EPS8: variants seen among roughly 807,000 people sequenced by gnomAD.
EPS8 encodes EGFR pathway substrate 8, signaling adaptor.
EPS8 carries 42 observed loss-of-function variants against 103.8 expected under a neutral mutation model. The ratio of observed to expected loss-of-function variants is 0.40; its 90% CI spans 0.32 to 0.52. The LOEUF is 0.52. EPS8 is among the 20% of genes least tolerant of loss of function. EPS8 has a pLI of 0.40. For synonymous variants in EPS8, 344 were observed against 344.6 expected, an observed-to-expected ratio of 1.00 and a Z score of 0.02; for missense variants, 969 against 1,005.1, an observed-to-expected ratio of 0.96 and a Z score of 0.49.
At chr12:15,666,740 T>TTA (rs1320268414) in intron 6 of EPS8, among the ~76,000 whole-genome samples, 1 of 152,150 alleles carries the variant, frequency 6.6e-6, no homozygotes, top group Non-Finnish European at 1.5e-5. Flanking sequence ...TTTTTAATGA[T>TTA]TATCTTAAAG....
At chr12:15,637,749 T>C (rs941673914) in intron 17 of EPS8, among the ~76,000 whole-genome samples, 1 of 152,138 alleles carries the variant, frequency 6.6e-6, no homozygotes, top group Admixed American at 6.5e-5. Flanking sequence ...AAGAGACAGA[T>C]GGAAGAGAAA....
chr12:15,663,920 CAAAAAAAAA>C (rs10590703), intron 8 of EPS8, among the ~76,000 whole-genome samples: 2 of 9,038 alleles, frequency 2.2e-4, no homozygotes, highest in African/African-American at 3.6e-4. Context: ...CACTCCATCT[CAAAAAAAAA>C]AAAAAAAAAA....
In EPS8 at chr12:15,731,888, G is replaced by T. The variant is rs368022333; in HGVS notation, c.-21-48916C>A. On this transcript the variant is annotated intron_variant, in intron 1 of 20. Transcript: ENST00000281172. This position sits in a 1 kb window ranked among gnomAD's most constrained non-coding sequence, Gnocchi z 5.1. ...GTGTGTGTAGGCAAAAGGAAGCTGG[G>T]TGGTTAATCACTATATATATCTGTT... Among the ~76,000 whole-genome samples the T allele has an allele frequency of 6.6e-6, 1 of 152,050 alleles. No individual in the cohort carries two copies. The highest frequency in any genetic ancestry group is 6.5e-5 in the Admixed American group (1 of 15,268).
chr12:15,711,867 G>A (rs1436162648), intron 1 of EPS8, among the ~76,000 whole-genome samples: 2 of 152,098 alleles, frequency 1.3e-5, no homozygotes, highest in African/African-American at 4.8e-5. Context: ...CATAACCATG[G>A]CACCTAAACT....
In EPS8 at chr12:15,731,173, T is replaced by C. The variant is rs1946711953; in HGVS notation, c.-21-48201A>G. Among the ~76,000 whole-genome samples, 1 of 152,246 alleles carries C rather than the reference T, an allele frequency of 6.6e-6. No homozygotes were observed. The highest frequency in any genetic ancestry group is 1.5e-5 in the Non-Finnish European group (1 of 68,032). ...GGCAACTGCTATCCAGGTTTTTAGC[T>C]AGCTTAACCAAATCCTCTAAACAGA... On this transcript the variant is annotated intron_variant, in intron 1 of 20. Coordinates refer to ENST00000281172, the MANE Select transcript of EPS8 (RefSeq NM_004447.6). This position sits in a 1 kb window ranked among gnomAD's most constrained non-coding sequence, Gnocchi z 5.1.
chr12:15,686,819 A>T (rs926708050), intron 1 of EPS8, among the ~76,000 whole-genome samples: 1 of 152,130 alleles, frequency 6.6e-6, no homozygotes, highest in African/African-American at 2.4e-5. Context: ...CTACTTACCC[A>T]ATCTTGCTGC....
chr12:15,750,935 C>T (rs974280776), intron 1 of EPS8, among the ~76,000 whole-genome samples: 3 of 152,086 alleles, frequency 2.0e-5, no homozygotes, highest in African/African-American at 7.2e-5. Context: ...CCCTTCGGCT[C>T]AAATTACAGT....
intron 1 of EPS8, among the ~76,000 whole-genome samples, chr12:15,694,270 G>A (rs1263312617): frequency 6.6e-6 from 1 of 151,836 alleles, no homozygotes; most frequent in African/African-American, 2.4e-5. Flanking sequence ...CAACCAGAGT[G>A]AAAGTAACAC....
At position 15,714,098 on chromosome 12, in the gene EPS8, A is replaced by C. The variant is rs1337113933; in HGVS notation, c.-21-31126T>G. Among the ~76,000 whole-genome samples the C allele has an allele frequency of 6.6e-6, 1 of 152,148 alleles. No homozygotes were observed. Among genetic ancestry groups the C allele is most frequent in the Non-Finnish European group, 1.5e-5 (1 of 68,028 alleles). On this transcript the variant is annotated intron_variant, in intron 1 of 20. Coordinates refer to ENST00000281172, the MANE Select transcript of EPS8 (RefSeq NM_004447.6). This position sits in a 1 kb window ranked among gnomAD's most constrained non-coding sequence, Gnocchi z 4.1. ...GAAAAACCAAACCAAAACAAAACAA[A>C]ACAAAAAACAATCCCCAATGAAGAT...
chr12:15,676,253 C>T lies in EPS8; in HGVS notation c.136+4973G>A, dbSNP rs1177979781. On this transcript the variant is annotated intron_variant, in intron 3 of 20. Coordinates refer to ENST00000281172, the MANE Select transcript of EPS8 (RefSeq NM_004447.6). ...CCAGCCTGGGCGACAGGGCAAGACT[C>T]CATCTCAAAAAAAAAAAAAAAAAAA... Among the ~76,000 whole-genome samples, 3 of 134,748 alleles carry T rather than the reference C, an allele frequency of 2.2e-5. No individual in the cohort carries two copies. In the East Asian group the frequency reaches 6.9e-4, roughly 31 times the overall value. 88.4% of individuals were successfully genotyped at this position (134,748 alleles called of 152,430 possible). A position where few individuals can be genotyped will look rare whatever the true frequency, so the allele number is the denominator to read the frequency against.
In EPS8 at chr12:15,776,449, T is replaced by C. The variant is rs886856912; in HGVS notation, c.-22+12712A>G. ...CTTCCCCTCAAGTTCACATGCACAC[T>C]CTCAGGAACTAACACAGACCTAGAT... On this transcript the variant is annotated intron_variant, in intron 1 of 20. Transcript: ENST00000281172. The surrounding 1 kb of genome is among the most constrained non-coding windows in gnomAD (Gnocchi z 4.2). Among the ~76,000 whole-genome samples the C allele has an allele frequency of 2.0e-5, 3 of 152,044 alleles. No homozygotes were observed. The highest frequency in any genetic ancestry group is 2.9e-5 in the Non-Finnish European group (2 of 67,988).
At chr12:15,624,466 C>T in intron 18 of EPS8, 59 bp from the exon 19 acceptor site, 2 of 1,302,748 alleles carry the variant, frequency 1.5e-6, no homozygotes, top group Non-Finnish European at 2.1e-6. Flanking sequence ...ATCACCCTCT[C>T]TAGAACCCCA....
intron 18 of EPS8, among the ~76,000 whole-genome samples, chr12:15,626,074 A>C (rs1197972568): frequency 4.6e-5 from 7 of 152,086 alleles, no homozygotes; most frequent in Non-Finnish European, 1.0e-4. Context: ...TTCTCAACTC[A>C]CTTAATGACA....
chr12:15,634,353 A>C (rs758856827), intron 17 of EPS8, among the ~76,000 whole-genome samples: 26 of 152,366 alleles, frequency 1.7e-4, no homozygotes, highest in Admixed American at 8.5e-4. Flanking sequence ...TTTCTCTGAA[A>C]GAAGGCAGAA....
At chr12:15,783,571 C>G (rs1337218457) in intron 1 of EPS8, among the ~76,000 whole-genome samples, 1 of 152,148 alleles carries the variant, frequency 6.6e-6, no homozygotes, top group Non-Finnish European at 1.5e-5. Context: ...TGCCTCTTCT[C>G]AACATACACC....
intron 1 of EPS8, among the ~76,000 whole-genome samples, chr12:15,723,072 C>T (rs984774689): frequency 2.6e-5 from 4 of 151,336 alleles, no homozygotes; most frequent in Non-Finnish European, 5.9e-5. Flanking sequence ...GTCTATAATC[C>T]CAGAACTGTG....
At chr12:15,666,872 A>T (rs750804212) in intron 6 of EPS8, among the ~76,000 whole-genome samples, 10 of 152,192 alleles carry the variant, frequency 6.6e-5, no homozygotes, top group Non-Finnish European at 1.3e-4. Flanking sequence ...CATAGAACAG[A>T]GTTCCTTCCC....
chr12:15,730,724 ATTG>A (rs1946705940), intron 1 of EPS8, among the ~76,000 whole-genome samples: 1 of 152,092 alleles, frequency 6.6e-6, no homozygotes, highest in Non-Finnish European at 1.5e-5. Flanking sequence ...ACCACTATAC[ATTG>A]TTATCAGTAT....
At chr12:15,675,406 C>T (rs112994976) in intron 3 of EPS8, among the ~76,000 whole-genome samples, 3,478 of 152,242 alleles carry the variant, frequency 0.023, 139 homozygotes, top group African/African-American at 0.079. Flanking sequence ...TCAAGACCAG[C>T]CTGGCCAACA....
Sources: allele counts gnomAD v4.1 joint callset (sites outside exome capture counted in the v4.1 genomes callset), GRCh38; gene constraint gnomAD v4.1.1; non-coding constraint Gnocchi (gnomAD v3.1); transcripts MANE v1.5; gene names NCBI Gene and HGNC (gene_info 2026-07-23, HGNC 2026-07-21).